The following BTNL8 variants were observed in gnomAD, a reference collection of about 807,000 sequenced individuals.
BTNL8 encodes the protein butyrophilin-like protein 8.
BTNL8 carries 22 observed loss-of-function variants against 36.1 expected under a neutral mutation model. The observed-to-expected ratio is 0.61, with a 90% confidence interval of 0.44 to 0.87. The LOEUF (loss-of-function observed/expected upper bound fraction) is 0.87. BTNL8 is among the 40% of genes least tolerant of loss of function. The pLI, the probability that BTNL8 is intolerant of heterozygous loss-of-function variation, is 0.00. For synonymous variants in BTNL8, 203 were observed against 235.6 expected, an observed-to-expected ratio of 0.86 and a Z score of 1.27; for missense variants, 526 against 616.9, an observed-to-expected ratio of 0.85 and a Z score of 1.56.
intron 3 of BTNL8, among the ~76,000 whole-genome samples, chr5:180,916,408 T>G (rs1181683123): frequency 1.3e-5 from 2 of 152,052 alleles, no homozygotes; most frequent in Non-Finnish European, 2.9e-5. Context: ...AACCTAAGTT[T>G]ATACCTCAAG....
intron 3 of BTNL8, among the ~76,000 whole-genome samples, chr5:180,937,927 G>T (rs1227594805): frequency 1.1e-5 from 1 of 93,832 alleles, no homozygotes; most frequent in Non-Finnish European, 2.1e-5. Flanking sequence ...CTTTTTAAAA[G>T]CCCCTTTCCC....
In BTNL8 at chr5:180,948,367, C is replaced by G; in HGVS notation, c.800C>G (p.Ala267Gly). The change falls in exon 5 of 8, where the codon GCG (alanine) becomes GGG (glycine). Residue 267 changes from alanine (A) to glycine (G), a missense_variant. Physicochemically the swap from Ala to Gly is moderately conservative, Grantham distance 60 (BLOSUM62 0). Coordinates refer to ENST00000340184, the MANE Select transcript of BTNL8 (RefSeq NM_001040462.3). ...GTTTCTGTTTCAGGGAAAATCCAGG[C>G]GGAACTGGGTAAGTATGTGTCATGT... ...FFSKFQWKIQ[A>G]ELDWRRKHGQ... 1 of 1,466,630 alleles carries G rather than the reference C, an allele frequency of 6.8e-7. No individual in the cohort carries two copies. The highest frequency in any genetic ancestry group is 9.4e-7 in the Non-Finnish European group (1 of 1,060,642). 90.9% of individuals were successfully genotyped at this position (1,466,630 alleles called of 1,614,324 possible).
At chr5:180,900,634 C>T (rs1034362623) in intron 1 of BTNL8, among the ~76,000 whole-genome samples, 7 of 152,326 alleles carry the variant, frequency 4.6e-5, no homozygotes, top group South Asian at 2.1e-4. Context: ...AGCTGGCATA[C>T]GCTGGGTCCC....
intron 3 of BTNL8, among the ~76,000 whole-genome samples, chr5:180,939,248 T>A (rs1758807678): frequency 1.3e-5 from 2 of 152,100 alleles, no homozygotes; most frequent in Admixed American, 1.3e-4. Flanking sequence ...ATATATAGAT[T>A]GGCTGAATGA....
intron 3 of BTNL8, among the ~76,000 whole-genome samples, chr5:180,936,531 G>T (rs1758659647): frequency 6.6e-6 from 1 of 152,018 alleles, no homozygotes; most frequent in Non-Finnish European, 1.5e-5. Flanking sequence ...AGAGATGAAA[G>T]ACCTGGTTAA....
intron 3 of BTNL8, among the ~76,000 whole-genome samples, chr5:180,939,251 C>T (rs1758808053): frequency 6.6e-6 from 1 of 151,676 alleles, no homozygotes; most frequent in Non-Finnish European, 1.5e-5. Flanking sequence ...TATAGATTGG[C>T]TGAATGAATG....
chr5:180,941,977 T>C (rs1256690258), intron 3 of BTNL8, among the ~76,000 whole-genome samples: 1 of 147,594 alleles, frequency 6.8e-6, no homozygotes, highest in Non-Finnish European at 1.5e-5. Flanking sequence ...ATAAATGGCA[T>C]CTAAATTGGA....
chr5:180,949,766 G>A lies in BTNL8; in HGVS notation c.863-138G>A, dbSNP rs147520474. ...TGGTGATGAGAGGACCTGAAAGGCAGTGTCTGCGGGAGGCTCAGGTCCGGG... is the reference window on the plus strand; with the variant it reads ...TGGTGATGAGAGGACCTGAAAGGCAATGTCTGCGGGAGGCTCAGGTCCGGG... On this transcript the variant is annotated intron_variant, in intron 7 of 7. Transcript: ENST00000340184. 7.8e-3 allele frequency: 8,410 copies of A among 1,080,886 alleles called. 1,215 individuals are homozygous for A. The highest frequency in any genetic ancestry group is 0.074 in the South Asian group (5,176 of 69,578). 67.0% of individuals were successfully genotyped at this position (1,080,886 alleles called of 1,614,324 possible).
At chr5:180,933,054 C>T (rs149409695) in intron 3 of BTNL8, among the ~76,000 whole-genome samples, 55 of 148,170 alleles carry the variant, frequency 3.7e-4, no homozygotes, top group African/African-American at 1.4e-3. Context: ...ACAAAATAGA[C>T]TTTAAGTATG....
intron 4 of BTNL8, 130 bp downstream of exon 4, chr5:180,947,755 AG>A (rs1759343550): frequency 1.2e-6 from 2 of 1,613,740 alleles, no homozygotes; most frequent in Non-Finnish European, 1.7e-6. Context: ...GGCCCAAAAA[AG>A]TAATCATCCT....
At chr5:180,936,592 G>A (rs140975462) in intron 3 of BTNL8, among the ~76,000 whole-genome samples, 1 of 152,146 alleles carries the variant, frequency 6.6e-6, no homozygotes, top group African/African-American at 2.4e-5. Context: ...GAAAACACAA[G>A]CAAATGGAAA....
Position 180,949,923 on chromosome 5 carries a change from A to G in BTNL8, c.882A>G (p.Pro294=), listed in dbSNP as rs751727824. Residue 294 remains proline, a synonymous_variant, in exon 8 of 8, where the codon CCA becomes CCG. Coordinates refer to ENST00000340184, the MANE Select transcript of BTNL8 (RefSeq NM_001040462.3). ...CCCCAGTGGAGGTGACTCTGGATCC[A>G]GAGACGGCTCACCCGAAGCTCTGCG... ...RKHAVEVTLD[P]ETAHPKLCVS... 1.4e-6 allele frequency: 2 copies of G among 1,459,028 alleles called. 1 individual carries two copies. Among genetic ancestry groups the G allele is most frequent in the Non-Finnish European group, 1.9e-6 (2 of 1,057,348 alleles). The allele number at this position is 1,459,028 out of a possible 1,614,324, so 90.4% of individuals were successfully genotyped here.
chr5:180,925,686 TAAC>T (rs1017045454), intron 3 of BTNL8, among the ~76,000 whole-genome samples: 45 of 152,076 alleles, frequency 3.0e-4, no homozygotes, highest in Non-Finnish European at 6.2e-4. Flanking sequence ...AGGATTATAA[TAAC>T]AAAAACATAT....
At position 180,949,399 on chromosome 5, in the gene BTNL8, C is replaced by G. The variant is rs1224490168; in HGVS notation, c.862+134C>G. Reference sequence around the variant, plus strand: ...TGCCTGCAGATGGAGAAACTGGATGCTTGATCGCCCCCAAGGGTTCAGTGC... The same window carrying G: ...TGCCTGCAGATGGAGAAACTGGATGGTTGATCGCCCCCAAGGGTTCAGTGC... On this transcript the variant is annotated intron_variant, in intron 7 of 7. Coordinates refer to ENST00000340184, the MANE Select transcript of BTNL8 (RefSeq NM_001040462.3). 5.4e-6 allele frequency: 7 copies of G among 1,293,246 alleles called. 1 individual carries two copies. In the African/African-American group the frequency reaches 1.0e-4, roughly 19 times the overall value. The allele number at this position is 1,293,246 out of a possible 1,614,324, so 80.1% of individuals were successfully genotyped here. A position where few individuals can be genotyped will look rare whatever the true frequency, so the allele number is the denominator to read the frequency against.
chr5:180,945,630 C>A, intron 3 of BTNL8: 4 of 238,882 alleles, frequency 1.7e-5, no homozygotes, highest in Non-Finnish European at 3.6e-5. Flanking sequence ...AACAAATAAC[C>A]TGATCTTAAA....
At chr5:180,938,673 G>A (rs1339683365) in intron 3 of BTNL8, among the ~76,000 whole-genome samples, 1 of 151,836 alleles carries the variant, frequency 6.6e-6, no homozygotes, top group Non-Finnish European at 1.5e-5. Flanking sequence ...GAGTAGCTGG[G>A]ATTACAGGCA....
intron 2 of BTNL8, 89 bp from the exon 3 acceptor site, chr5:180,911,250 T>C: frequency 6.5e-7 from 1 of 1,541,148 alleles, no homozygotes; most frequent in East Asian, 2.3e-5. Flanking sequence ...AGAGAATGGG[T>C]GGGGGGTGGA....
At chr5:180,927,117 A>T (rs1210296573) in intron 3 of BTNL8, among the ~76,000 whole-genome samples, 1 of 152,176 alleles carries the variant, frequency 6.6e-6, no homozygotes, top group Non-Finnish European at 1.5e-5. Flanking sequence ...CGAACCTTAC[A>T]GAGGAAGGAG....
intron 3 of BTNL8, among the ~76,000 whole-genome samples, chr5:180,934,035 C>T (rs991196989): frequency 2.0e-5 from 3 of 151,844 alleles, no homozygotes; most frequent in Middle Eastern, 3.4e-3. Flanking sequence ...GCAAAAATTC[C>T]ACCCCCCACC....
Sources: gnomAD v4.1 joint callset for allele counts (sites outside exome capture counted in the v4.1 genomes callset) on GRCh38, gnomAD v4.1.1 for gene constraint, MANE v1.5 for transcripts, NCBI Gene and HGNC (gene_info 2026-07-23, HGNC 2026-07-21) for gene names.